Variants in SYT2 observed in about 807,000 individuals in gnomAD.
SYT2 encodes the protein synaptotagmin 2.
Under a neutral mutation model 39.9 loss-of-function variants are expected in SYT2, and 15 were observed. That is an observed-to-expected ratio of 0.38 (90% CI 0.25 to 0.58). The LOEUF (loss-of-function observed/expected upper bound fraction) is 0.58. Ranked by LOEUF, SYT2 falls within the 20% of genes least tolerant of loss-of-function variation. The pLI, the probability that SYT2 is intolerant of heterozygous loss-of-function variation, is 0.70. For missense variants in SYT2, 389 were observed against 530.3 expected, an observed-to-expected ratio of 0.73 and a Z score of 2.62; for synonymous variants, 181 against 204.5, an observed-to-expected ratio of 0.89 and a Z score of 0.98.
intron 1 of SYT2, among the ~76,000 whole-genome samples, chr1:202,698,112 A>ACCT: frequency 6.6e-6 from 1 of 150,386 alleles, no homozygotes; most frequent in Non-Finnish European, 1.5e-5. Flanking sequence ...GGGTCTCACC[A>ACCT]CCCCCCCAAG....
rs1481314311 is a variant in SYT2 at position 202,653,450 on chromosome 1, T to G, written c.-17-47661A>C. 3.9e-5 allele frequency among the ~76,000 whole-genome samples: 6 copies of G among 152,184 alleles called. No individual in the cohort carries two copies. The South Asian group carries it at 1.0e-3, about 26-fold the overall frequency. On this transcript the variant is annotated intron_variant, in intron 1 of 8. Coordinates refer to ENST00000367268, the MANE Select transcript of SYT2 (RefSeq NM_177402.5). ...TGCTTGTACTACCACAGGGGACTGG[T>G]CCCATACCTTGGCCGTTACCCCCAC... is the stretch of plus-strand genomic sequence containing the variant.
intron 1 of SYT2, among the ~76,000 whole-genome samples, chr1:202,707,390 C>A (rs936416914): frequency 1.3e-5 from 2 of 152,156 alleles, no homozygotes; most frequent in Non-Finnish European, 2.9e-5. Context: ...CCCTGCCCCC[C>A]CATTACTCCC....
chr1:202,635,393 C>T (rs1691712138), intron 1 of SYT2, among the ~76,000 whole-genome samples: 1 of 152,212 alleles, frequency 6.6e-6, no homozygotes. Flanking sequence ...GATTTGATGT[C>T]AGGAGCAGGG....
chr1:202,652,455 T>G (rs1692211168), intron 1 of SYT2, among the ~76,000 whole-genome samples: 1 of 152,214 alleles, frequency 6.6e-6, no homozygotes, highest in African/African-American at 2.4e-5. Flanking sequence ...TCAACTTTAG[T>G]GCACCAATGT....
At chr1:202,604,681 G>A (rs907217310) in intron 2 of SYT2, 60 bp from the exon 3 acceptor site, 17 of 1,532,258 alleles carry the variant, frequency 1.1e-5, no homozygotes, top group Admixed American at 2.0e-5. Context: ...CCCTGACCCC[G>A]TAGCATTGGG....
At chr1:202,660,597 A>C (rs928580250) in intron 1 of SYT2, among the ~76,000 whole-genome samples, 1 of 152,216 alleles carries the variant, frequency 6.6e-6, no homozygotes, top group East Asian at 1.9e-4. Flanking sequence ...GGAGATTTTG[A>C]CATGGTGATC....
intron 1 of SYT2, among the ~76,000 whole-genome samples, chr1:202,702,972 A>G (rs1196781758): frequency 6.6e-6 from 1 of 152,202 alleles, no homozygotes; most frequent in Non-Finnish European, 1.5e-5. Context: ...GCAGAAGCAG[A>G]GAAGGCCCCG....
chr1:202,665,774 T>C (rs1314686967), intron 1 of SYT2, among the ~76,000 whole-genome samples: 1 of 152,200 alleles, frequency 6.6e-6, no homozygotes, highest in Non-Finnish European at 1.5e-5. Context: ...ATCAGTGAAA[T>C]GTTTACACTT....
intron 1 of SYT2, among the ~76,000 whole-genome samples, chr1:202,709,169 C>G (rs946090784): frequency 1.3e-5 from 2 of 152,200 alleles, no homozygotes; most frequent in African/African-American, 4.8e-5. Context: ...GGGGCCTCTG[C>G]CCTTCCCTCC....
chr1:202,643,914 GGATTA>G (rs1160776149), intron 1 of SYT2, among the ~76,000 whole-genome samples: 1 of 152,236 alleles, frequency 6.6e-6, no homozygotes, highest in African/African-American at 2.4e-5. Context: ...TCGGTTCGGG[GGATTA>G]GCTGGGGGAG....
At chr1:202,673,582 C>G (rs1332427277) in intron 1 of SYT2, among the ~76,000 whole-genome samples, 1 of 152,168 alleles carries the variant, frequency 6.6e-6, no homozygotes, top group Non-Finnish European at 1.5e-5. Context: ...CCCAACAGCT[C>G]CAGTTGAAGG....
chr1:202,665,947 A>T (rs1692474133), intron 1 of SYT2, among the ~76,000 whole-genome samples: 1 of 152,114 alleles, frequency 6.6e-6, no homozygotes, highest in Non-Finnish European at 1.5e-5. Flanking sequence ...AGGTCAGGAG[A>T]TCGAGACCAT....
Position 202,623,786 on chromosome 1 carries a change from C to A in SYT2, c.-17-17997G>T, listed in dbSNP as rs747521997. On this transcript the variant is annotated intron_variant, in intron 1 of 8. Transcript: ENST00000367268. The surrounding 1 kb of genome is among the most constrained non-coding windows in gnomAD (Gnocchi z 4.2). Reference sequence around the variant, plus strand: ...GAGAGGCACTGCTTTCTGCAGAGTGCGTGGGCAACTGCCAGCTGGGGGAGC... The same window carrying A: ...GAGAGGCACTGCTTTCTGCAGAGTGAGTGGGCAACTGCCAGCTGGGGGAGC... Among the ~76,000 whole-genome samples the A allele has an allele frequency of 6.6e-6, 1 of 152,048 alleles. No individual in the cohort carries two copies. The highest frequency in any genetic ancestry group is 6.6e-5 in the Admixed American group (1 of 15,266).
At chr1:202,662,611 C>G (rs751657017) in intron 1 of SYT2, among the ~76,000 whole-genome samples, 3 of 152,206 alleles carry the variant, frequency 2.0e-5, no homozygotes, top group Non-Finnish European at 2.9e-5. Flanking sequence ...TCCATCCTCT[C>G]TAGGTGAGTG....
intron 1 of SYT2, 147 bp downstream of exon 1, chr1:202,710,111 A>G: frequency 6.6e-6 from 1 of 150,802 alleles, no homozygotes. Flanking sequence ...GACGGGGCAG[A>G]CTCCCGGCCC....
intron 1 of SYT2, among the ~76,000 whole-genome samples, chr1:202,693,360 T>C (rs1653887919): frequency 6.6e-6 from 1 of 152,048 alleles, no homozygotes; most frequent in Admixed American, 6.5e-5. Flanking sequence ...TTCAAGACCA[T>C]GGGGAAGGGT....
In SYT2 at chr1:202,605,743, C is replaced by A; in HGVS notation, c.30G>T (p.Glu10Asp). The A allele has an allele frequency of 6.2e-7, 1 of 1,614,102 alleles. No individual in the cohort carries two copies. The highest frequency in any genetic ancestry group is 2.2e-5 in the East Asian group (1 of 44,882). Residue 10 changes from glutamate to aspartate, a missense_variant, in exon 2 of 9, where the codon GAG becomes GAT. Around this residue, in one of 4 missense-constraint regions of SYT2, gnomAD observed 280 missense variants for 335.6 expected, o/e 0.83. Transcript: ENST00000367268. ...TGGTGGTGGCAGGAGCCACAATAGG[C>A]TCCTGGTTCCTCTTGAAAATGTTCC... Reference protein sequence around the residue: MRNIFKRNQEPIVAPATTTA... With the variant: MRNIFKRNQDPIVAPATTTA...
intron 1 of SYT2, among the ~76,000 whole-genome samples, chr1:202,642,681 C>T (rs1374143032): frequency 6.6e-6 from 1 of 152,212 alleles, no homozygotes; most frequent in Non-Finnish European, 1.5e-5. Flanking sequence ...CTCAGAAAGG[C>T]AGCCAGTCCT....
In SYT2 at chr1:202,628,427, C is replaced by T. The variant is rs751161852; in HGVS notation, c.-17-22638G>A. On this transcript the variant is annotated intron_variant, in intron 1 of 8. Coordinates refer to ENST00000367268, the MANE Select transcript of SYT2 (RefSeq NM_177402.5). The surrounding 1 kb of genome is among the most constrained non-coding windows in gnomAD (Gnocchi z 4.2). ...CAAAGAAGGTGCAGTCTGGTCCTCCCGTTTCCAAGAGCGCCTCCATCCTTC... is the reference window on the plus strand; with the variant it reads ...CAAAGAAGGTGCAGTCTGGTCCTCCTGTTTCCAAGAGCGCCTCCATCCTTC... 1.1e-4 allele frequency among the ~76,000 whole-genome samples: 17 copies of T among 152,270 alleles called. No homozygotes were observed. The highest frequency in any genetic ancestry group is 3.4e-4 in the African/African-American group (14 of 41,582).
Sources: allele counts gnomAD v4.1 joint callset (sites outside exome capture counted in the v4.1 genomes callset), GRCh38; gene constraint gnomAD v4.1.1; regional missense constraint gnomAD v4.1.1; non-coding constraint Gnocchi (gnomAD v3.1); transcripts MANE v1.5; gene names NCBI Gene and HGNC (gene_info 2026-07-23, HGNC 2026-07-21).